The following GPR15LG variants were observed in gnomAD, a reference collection of about 807,000 sequenced individuals.
GPR15LG encodes G protein-coupled receptor 15 ligand.
the GPR15LG span, among the ~76,000 whole-genome samples, chr10:84,183,643 G>T: frequency 2.0e-5 from 3 of 151,392 alleles, no homozygotes; most frequent in East Asian, 3.9e-4. Context: ...TTATTTTATT[G>T]TTTATTATTT....
the GPR15LG span, among the ~76,000 whole-genome samples, chr10:84,174,811 T>C: frequency 6.6e-6 from 1 of 152,328 alleles, no homozygotes; most frequent in Admixed American, 6.5e-5. Context: ...TTCAGATAGC[T>C]GAGTGTTTCA....
the GPR15LG span, among the ~76,000 whole-genome samples, chr10:84,184,222 G>A: frequency 1.3e-5 from 2 of 152,076 alleles, no homozygotes; most frequent in South Asian, 4.2e-4. Flanking sequence ...TCTTGTGGAT[G>A]ATTCCTCCCA....
the GPR15LG span, chr10:84,173,881 C>T: frequency 3.7e-6 from 6 of 1,613,934 alleles, no homozygotes; most frequent in Non-Finnish European, 5.1e-6. Context: ...CCAGCCTGCT[C>T]TGTATCCTGC....
the GPR15LG span, chr10:84,176,642 G>A: frequency 8.5e-6 from 9 of 1,054,828 alleles, no homozygotes; most frequent in East Asian, 7.2e-5. Flanking sequence ...CACACACACT[G>A]ATCAGCCCCC....
At chr10:84,174,741 C>T in the GPR15LG span, among the ~76,000 whole-genome samples, 1 of 152,104 alleles carries the variant, frequency 6.6e-6, no homozygotes, top group Non-Finnish European at 1.5e-5. Flanking sequence ...CCTCCCACCT[C>T]GGCCTCCCAA....
the GPR15LG span, among the ~76,000 whole-genome samples, chr10:84,179,282 G>T: frequency 6.6e-6 from 1 of 152,188 alleles, no homozygotes; most frequent in Middle Eastern, 3.2e-3. Flanking sequence ...ACAGGACTTG[G>T]CATCAAGCCT....
At chr10:84,173,941 G>A in the GPR15LG span, 4 of 1,569,850 alleles carry the variant, frequency 2.5e-6, no homozygotes, top group Non-Finnish European at 3.5e-6. Context: ...CCCCCAGGGT[G>A]CAGATCCCTG....
At chr10:84,179,876 G>C in the GPR15LG span, among the ~76,000 whole-genome samples, 3 of 70,660 alleles carry the variant, frequency 4.2e-5, no homozygotes, top group Non-Finnish European at 8.0e-5. Context: ...CTTTAAAAAG[G>C]CTTTTTTTTT....
At chr10:84,184,785 C>T in the GPR15LG span, 1 of 1,613,490 alleles carries the variant, frequency 6.2e-7, no homozygotes, top group Non-Finnish European at 8.5e-7. Flanking sequence ...AAGCAAGACT[C>T]CAGACAGCGG....
chr10:84,175,816 A>T, the GPR15LG span, among the ~76,000 whole-genome samples: 1 of 151,248 alleles, frequency 6.6e-6, no homozygotes, highest in Non-Finnish European at 1.5e-5. Context: ...TACTTTGCAC[A>T]TTTTAATTAT....
At chr10:84,176,557 A>G in the GPR15LG span, 2 of 1,613,694 alleles carry the variant, frequency 1.2e-6, no homozygotes, top group Non-Finnish European at 8.5e-7. Context: ...CCCCAACTCA[A>G]CAAACCTGAA....
chr10:84,179,446 T>C, the GPR15LG span, among the ~76,000 whole-genome samples: 17 of 152,170 alleles, frequency 1.1e-4, no homozygotes, highest in Non-Finnish European at 2.5e-4. Flanking sequence ...TTCTGTCTTA[T>C]GGACTGATGC....
chr10:84,174,132 CCCCCAAATACATA>C, the GPR15LG span, among the ~76,000 whole-genome samples: 5 of 152,168 alleles, frequency 3.3e-5, no homozygotes, highest in East Asian at 9.6e-4. Flanking sequence ...AGCCCCTGCA[CCCCCAAATACATA>C]CCCAGCCTAA....
the GPR15LG span, among the ~76,000 whole-genome samples, chr10:84,180,912 C>G: frequency 4.1e-4 from 63 of 152,338 alleles, no homozygotes; most frequent in Non-Finnish European, 6.6e-4. Context: ...TGGCGAAACC[C>G]CGTCTCCACC....
At chr10:84,180,563 C>T in the GPR15LG span, among the ~76,000 whole-genome samples, 13 of 151,220 alleles carry the variant, frequency 8.6e-5, no homozygotes, top group South Asian at 2.1e-4. Context: ...ACTTCCTAGA[C>T]GGGATGACGG....
the GPR15LG span, among the ~76,000 whole-genome samples, chr10:84,177,528 C>T: frequency 6.6e-6 from 1 of 152,232 alleles, no homozygotes; most frequent in Non-Finnish European, 1.5e-5. Flanking sequence ...AGCGCCGGAG[C>T]CTCCATGCCT....
At chr10:84,173,839 C>A in the GPR15LG span, 1 of 1,603,792 alleles carries the variant, frequency 6.2e-7, no homozygotes, top group Non-Finnish European at 8.5e-7. Context: ...ACGTGAAAAT[C>A]TGCCTTCTCA....
At chr10:84,183,068 G>A in the GPR15LG span, among the ~76,000 whole-genome samples, 1 of 151,252 alleles carries the variant, frequency 6.6e-6, no homozygotes, top group Middle Eastern at 3.2e-3. Context: ...TCACTTATTT[G>A]TGGTTAAGAC....
At chr10:84,184,716 G>A in the GPR15LG span, 1 of 1,613,896 alleles carries the variant, frequency 6.2e-7, no homozygotes. Flanking sequence ...ATGCAAGCTT[G>A]AGCCAGAGCC....
Sources: gnomAD v4.1 joint callset for allele counts (sites outside exome capture counted in the v4.1 genomes callset) on GRCh38, gnomAD v4.1.1 for gene constraint, MANE v1.5 for transcripts, NCBI Gene and HGNC (gene_info 2026-07-23, HGNC 2026-07-21) for gene names.